The following GK5 variants were observed in gnomAD, a reference collection of about 807,000 sequenced individuals.
GK5 encodes ATP:glycerol 3-phosphotransferase 5.
GK5 carries 39 observed loss-of-function variants against 77.3 expected under a neutral mutation model. That is an observed-to-expected ratio of 0.50 (90% CI 0.39 to 0.66). GK5 has a LOEUF of 0.66. GK5 is among the 30% of genes least tolerant of loss of function. The pLI, the probability that GK5 is intolerant of heterozygous loss-of-function variation, is 0.00. For synonymous variants in GK5, 211 were observed against 208.0 expected, an observed-to-expected ratio of 1.01 and a Z score of -0.13; for missense variants, 487 against 633.8, an observed-to-expected ratio of 0.77 and a Z score of 2.49.
At chr3:142,170,526 A>AT in intron 14 of GK5, 68 bp from the exon 15 acceptor site, 3 of 1,316,438 alleles carry the variant, frequency 2.3e-6, no homozygotes, top group Non-Finnish European at 3.1e-6. Context: ...AGTGGGCCAC[A>AT]TTTTTTTCCT....
intron 3 of GK5, among the ~76,000 whole-genome samples, 167 bp downstream of exon 3, chr3:142,213,359 G>A (rs1398474005): frequency 2.0e-5 from 3 of 152,170 alleles, no homozygotes; most frequent in Non-Finnish European, 2.9e-5. Flanking sequence ...AAGCCCAAAT[G>A]ACATGCAGTG....
At chr3:142,197,031 C>CA (rs200986726) in intron 5 of GK5, among the ~76,000 whole-genome samples, 3,379 of 152,024 alleles carry the variant, frequency 0.022, 66 homozygotes, top group Non-Finnish European at 0.036. Flanking sequence ...ACTAAACATA[C>CA]AAAAAATTAG....
In GK5 at chr3:142,213,512, C is replaced by A. The variant is rs377305899; in HGVS notation, c.317+14G>T. ...GAACCCAGCAGTAGGGTGCTTATCA[C>A]AGAATGTACTTACTTGTTCCACGTA... On this transcript the variant is annotated intron_variant, in intron 3 of 15. Coordinates refer to ENST00000392993, the MANE Select transcript of GK5 (RefSeq NM_001039547.3). 2.6e-6 allele frequency: 4 copies of A among 1,529,012 alleles called. No homozygotes were observed. The highest frequency in any genetic ancestry group is 3.6e-6 in the Non-Finnish European group (4 of 1,102,640). The allele number at this position is 1,529,012 out of a possible 1,614,324, so 94.7% of individuals were successfully genotyped here. A position where few individuals can be genotyped will look rare whatever the true frequency, so the allele number is the denominator to read the frequency against.
chr3:142,176,221 T>C (rs1269136003), intron 12 of GK5, among the ~76,000 whole-genome samples: 4 of 152,132 alleles, frequency 2.6e-5, no homozygotes, highest in African/African-American at 7.2e-5. Context: ...TTTGGAAGTA[T>C]GATATTTTTA....
intron 15 of GK5, among the ~76,000 whole-genome samples, chr3:142,169,715 A>G (rs1380692684): frequency 7.5e-6 from 1 of 132,854 alleles, no homozygotes; most frequent in Non-Finnish European, 1.5e-5. Context: ...TCTGTCACCC[A>G]GGATGGAATG....
At chr3:142,176,429 G>A (rs1365613772) in intron 12 of GK5, among the ~76,000 whole-genome samples, 2 of 151,850 alleles carry the variant, frequency 1.3e-5, no homozygotes, top group African/African-American at 4.8e-5. Context: ...AAAAAGTTTA[G>A]TAAACTTTAA....
intron 10 of GK5, among the ~76,000 whole-genome samples, chr3:142,181,844 G>A (rs2063701692): frequency 6.6e-6 from 1 of 152,120 alleles, no homozygotes; most frequent in Admixed American, 6.5e-5. Flanking sequence ...ACAGTGCCTG[G>A]CACATAATAT....
At chr3:142,186,352 G>C (rs2063769940) in intron 7 of GK5, 85 bp from the exon 8 acceptor site, 8 of 982,020 alleles carry the variant, frequency 8.1e-6, no homozygotes, top group Non-Finnish European at 1.2e-5. Flanking sequence ...TGTTGTACAT[G>C]ATATATTTGT....
chr3:142,192,453 C>A (rs1202553911), intron 5 of GK5, among the ~76,000 whole-genome samples: 1 of 152,102 alleles, frequency 6.6e-6, no homozygotes, highest in African/African-American at 2.4e-5. Flanking sequence ...TGGAAGTAAC[C>A]AAGATGTTTT....
rs2064416017 is a variant in GK5 at position 142,225,476 on chromosome 3, C to G, written c.-21G>C. Reference sequence around the variant, plus strand: ...GACATCCCGATCCCGCACGCCTCTCCGCTACAGCCGCCTACCCAGAGGGCG... The same window carrying G: ...GACATCCCGATCCCGCACGCCTCTCGGCTACAGCCGCCTACCCAGAGGGCG... On this transcript the variant is annotated 5_prime_UTR_variant, in exon 1 of 16. Coordinates refer to ENST00000392993, the MANE Select transcript of GK5 (RefSeq NM_001039547.3). 1.3e-6 allele frequency: 2 copies of G among 1,597,312 alleles called. No individual in the cohort carries two copies. The highest frequency in any genetic ancestry group is 1.7e-6 in the Non-Finnish European group (2 of 1,177,142).
chr3:142,196,002 T>G (rs1189901588), intron 5 of GK5, among the ~76,000 whole-genome samples: 1 of 152,214 alleles, frequency 6.6e-6, no homozygotes, highest in Non-Finnish European at 1.5e-5. Context: ...CTTCAATCTC[T>G]TTACTTGTTA....
chr3:142,198,562 C>A (rs759528731), intron 5 of GK5, among the ~76,000 whole-genome samples: 1 of 152,046 alleles, frequency 6.6e-6, no homozygotes, highest in Non-Finnish European at 1.5e-5. Flanking sequence ...TGCAGTGAGC[C>A]GAGATCACGC....
At chr3:142,193,593 A>C (rs2063886370) in intron 5 of GK5, among the ~76,000 whole-genome samples, 1 of 152,126 alleles carries the variant, frequency 6.6e-6, no homozygotes, top group Admixed American at 6.6e-5. Context: ...ATTCCAATCC[A>C]TGTATATAAG....
At chr3:142,207,267 C>T (rs182187129) in intron 3 of GK5, among the ~76,000 whole-genome samples, 9 of 152,226 alleles carry the variant, frequency 5.9e-5, no homozygotes, top group East Asian at 5.8e-4. Context: ...GGGCTATAAA[C>T]GCCCTCATCT....
intron 12 of GK5, chr3:142,173,284 A>G (rs2063564235): frequency 1.1e-5 from 4 of 375,142 alleles, no homozygotes; most frequent in African/African-American, 6.4e-5. Context: ...CCAGCCTAAC[A>G]TGTTCTCAAA....
chr3:142,173,278 C>A, intron 12 of GK5: 1 of 380,998 alleles, frequency 2.6e-6, no homozygotes, highest in Non-Finnish European at 5.2e-6. Flanking sequence ...AATAATCCAG[C>A]CTAACATGTT....
chr3:142,169,722 A>G (rs1447857951), intron 15 of GK5, among the ~76,000 whole-genome samples: 2 of 140,682 alleles, frequency 1.4e-5, no homozygotes, highest in Non-Finnish European at 3.0e-5. Flanking sequence ...CCCAGGATGG[A>G]ATGCAGTGGC....
At chr3:142,225,218 G>T (rs2064410683) in intron 1 of GK5, 91 bp downstream of exon 1, 3 of 1,350,820 alleles carry the variant, frequency 2.2e-6, no homozygotes, top group Admixed American at 3.1e-5. Context: ...CAGGGCGGTA[G>T]GTGGGGCCTG....
chr3:142,185,750 C>T, intron 9 of GK5, 179 bp downstream of exon 9: 1 of 1,552,086 alleles, frequency 6.4e-7, no homozygotes, highest in African/African-American at 1.4e-5. Flanking sequence ...GGTCCCCTTC[C>T]CAAAAATATA....
Sources: gnomAD v4.1 joint callset for allele counts (sites outside exome capture counted in the v4.1 genomes callset) on GRCh38, gnomAD v4.1.1 for gene constraint, MANE v1.5 for transcripts, NCBI Gene and HGNC (gene_info 2026-07-23, HGNC 2026-07-21) for gene names.